Variants in TANC2 observed in about 807,000 individuals in gnomAD.
The protein encoded by TANC2 is tetratricopeptide repeat, ankyrin repeat and coiled-coil containing 2.
Under a neutral mutation model 210.5 loss-of-function variants are expected in TANC2, and 26 were observed. The observed-to-expected ratio is 0.12, with a 90% CI of 0.09 to 0.17. The LOEUF is 0.17. TANC2 is among the 10% of genes least tolerant of loss of function. The probability of loss-of-function intolerance (pLI) is 1.00; values close to 1 mark genes in which losing one functional copy is unlikely to be tolerated. For missense variants in TANC2, 2,129 were observed against 2,608.9 expected (o/e 0.82, Z 4.01); for synonymous variants, 931 against 967.1 (o/e 0.96, Z 0.69).
intron 9 of TANC2, among the ~76,000 whole-genome samples, chr17:63,278,913 G>A (rs1427800827): frequency 6.6e-6 from 1 of 152,126 alleles, no homozygotes; most frequent in East Asian, 1.9e-4. Context: ...AGAATAGAAA[G>A]TAGAATAGTG....
intron 8 of TANC2, among the ~76,000 whole-genome samples, chr17:63,239,250 G>A (rs2042708035): frequency 6.6e-6 from 1 of 152,032 alleles, no homozygotes; most frequent in African/African-American, 2.4e-5. Context: ...GATGTCAAGG[G>A]GTATTTTTAC....
At chr17:63,083,623 T>G (rs375716251) in intron 3 of TANC2, among the ~76,000 whole-genome samples, 36 of 152,346 alleles carry the variant, frequency 2.4e-4, no homozygotes, top group African/African-American at 7.9e-4. Flanking sequence ...GTAAACTCAG[T>G]ACCACTTCAG....
chr17:63,423,498 A>G (rs2049073812), exon 28 of TANC2: 2 of 152,220 alleles, frequency 1.3e-5, no homozygotes, highest in South Asian at 4.1e-4. Flanking sequence ...AAACGAAACA[A>G]AGGAGCATTC....
chr17:63,122,828 T>A (rs575466845), intron 4 of TANC2, among the ~76,000 whole-genome samples: 1 of 152,280 alleles, frequency 6.6e-6, no homozygotes, highest in South Asian at 2.1e-4. Context: ...TAAAGATGAG[T>A]GTGTTTTTTA....
chr17:63,124,571 A>G (rs919394683), intron 4 of TANC2, among the ~76,000 whole-genome samples: 19 of 152,210 alleles, frequency 1.2e-4, no homozygotes, highest in Admixed American at 7.2e-4. Flanking sequence ...AGAAGGAAGC[A>G]TTTAATGAGA....
intron 7 of TANC2, among the ~76,000 whole-genome samples, chr17:63,213,687 T>G (rs983673670): frequency 6.6e-6 from 1 of 152,212 alleles, no homozygotes; most frequent in African/African-American, 2.4e-5. Flanking sequence ...GGTGCAACAT[T>G]GTATTTGGTG....
chr17:63,167,519 C>G (rs756270350), intron 5 of TANC2, among the ~76,000 whole-genome samples: 1 of 151,908 alleles, frequency 6.6e-6, no homozygotes, highest in Non-Finnish European at 1.5e-5. Flanking sequence ...TTCAGTGGTT[C>G]TTAATTTTTA....
At chr17:63,132,495 C>T (rs1042402659) in intron 4 of TANC2, among the ~76,000 whole-genome samples, 2 of 152,094 alleles carry the variant, frequency 1.3e-5, no homozygotes, top group Non-Finnish European at 2.9e-5. Flanking sequence ...CTGCTTCTAC[C>T]CCTAAATCAA....
chr17:63,078,857 A>T (rs1295956284), intron 3 of TANC2, among the ~76,000 whole-genome samples: 2 of 152,188 alleles, frequency 1.3e-5, no homozygotes, highest in Non-Finnish European at 2.9e-5. Flanking sequence ...AAGAAAGTGT[A>T]TTATGCTGTT....
In TANC2 at chr17:63,389,350, C is replaced by T. The variant is rs758492232; in HGVS notation, c.2857C>T (p.Arg953Trp). 16 of 1,613,476 alleles carry T rather than the reference C, an allele frequency of 9.9e-6. No individual in the cohort carries two copies. Among genetic ancestry groups the T allele is most frequent in the African/African-American group, 1.3e-5 (1 of 74,878 alleles). The change falls in exon 17 of 28, where the codon CGG becomes TGG. Residue 953 changes from arginine to tryptophan, a missense_variant. By Grantham distance (101) the Arg-to-Trp change is moderately radical. This residue lies in a region of TANC2 where 644 missense variants were observed against 937.5 expected (regional missense o/e 0.69). Transcript: ENST00000689528. ...TTTGGGAGGTGCCAATATTAATTAC[C>T]GGACAGAGGTTTTAAATAATGCTCC... is the stretch of plus-strand genomic sequence containing the variant.
chr17:63,315,140 T>C (rs1473508996), intron 10 of TANC2, among the ~76,000 whole-genome samples: 1 of 152,154 alleles, frequency 6.6e-6, no homozygotes, highest in East Asian at 1.9e-4. Flanking sequence ...CCTGCTTCCT[T>C]GTGAAAAGGT....
rs756729695 is a variant in TANC2 at position 63,355,332 on chromosome 17, C to A, written c.2524C>A (p.Arg842=). 6 of 1,609,818 alleles carry A rather than the reference C, an allele frequency of 3.7e-6. No individual in the cohort carries two copies. In the African/African-American group the frequency reaches 4.0e-5, roughly 11 times the overall value. ...TCGTATGTTTGTACATCCTTCTTTT[C>A]GAGAATGGCTTATCTGGAGAGAAGA... The change falls in exon 14 of 28, where the codon CGA becomes AGA. Residue 842 remains arginine, a synonymous_variant. Transcript: ENST00000689528.
chr17:62,989,063 CCTTTACA>C (rs1326482187), intron 1 of TANC2, among the ~76,000 whole-genome samples: 1 of 152,144 alleles, frequency 6.6e-6, no homozygotes, highest in African/African-American at 2.4e-5. Context: ...TTATAAATTT[CCTTTACA>C]CTTTATCTTT....
intron 9 of TANC2, among the ~76,000 whole-genome samples, chr17:63,272,424 C>G (rs1404883242): frequency 2.0e-5 from 3 of 152,060 alleles, no homozygotes; most frequent in Non-Finnish European, 4.4e-5. Context: ...TTAGGATTAC[C>G]TTGGCTATTT....
At chr17:63,101,379 A>C (rs2037614753) in intron 4 of TANC2, among the ~76,000 whole-genome samples, 2 of 152,220 alleles carry the variant, frequency 1.3e-5, no homozygotes, top group South Asian at 4.1e-4. Flanking sequence ...CTCCATTTCC[A>C]TACATTCAAA....
chr17:63,076,643 C>T (rs1033694570), intron 3 of TANC2, among the ~76,000 whole-genome samples: 1 of 152,166 alleles, frequency 6.6e-6, no homozygotes, highest in East Asian at 1.9e-4. Flanking sequence ...AATAAAACAA[C>T]TTGGAGAGAC....
intron 3 of TANC2, among the ~76,000 whole-genome samples, chr17:63,078,905 G>T (rs576739274): frequency 6.6e-6 from 1 of 152,264 alleles, no homozygotes; most frequent in South Asian, 2.1e-4. Context: ...ACCTGATCAC[G>T]TTGATTGATA....
chr17:63,186,502 G>T (rs370265295), intron 5 of TANC2, among the ~76,000 whole-genome samples: 2 of 152,000 alleles, frequency 1.3e-5, no homozygotes, highest in South Asian at 4.2e-4. Context: ...ACAGGCACCT[G>T]CCAGCACACC....
At chr17:63,161,659 A>G (rs2040029398) in intron 5 of TANC2, among the ~76,000 whole-genome samples, 1 of 152,130 alleles carries the variant, frequency 6.6e-6, no homozygotes, top group African/African-American at 2.4e-5. Flanking sequence ...GGAATACTCT[A>G]AGACCTGGAC....
Sources: gnomAD v4.1 joint callset for allele counts (sites outside exome capture counted in the v4.1 genomes callset) on GRCh38, gnomAD v4.1.1 for gene constraint, gnomAD v4.1.1 regional missense constraint, MANE v1.5 for transcripts, NCBI Gene and HGNC (gene_info 2026-07-23, HGNC 2026-07-21) for gene names.